Variants in ATRNL1 observed in about 807,000 individuals in gnomAD.
ATRNL1 encodes the protein attractin-like protein 1.
ATRNL1 carries 95 observed loss-of-function variants against 182.7 expected under a neutral mutation model. That is an observed-to-expected ratio of 0.52 (90% CI 0.44 to 0.62). ATRNL1 has a LOEUF of 0.62. Ranked by LOEUF, ATRNL1 falls within the 20% of genes least tolerant of loss-of-function variation. ATRNL1 has a pLI of 0.00. For synonymous variants in ATRNL1, 576 were observed against 568.3 expected, an observed-to-expected ratio of 1.01 and a Z score of -0.19; for missense variants, 1,471 against 1,679.5, an observed-to-expected ratio of 0.88 and a Z score of 2.17.
At chr10:115,584,238 T>G (rs1555009007) in intron 26 of ATRNL1, among the ~76,000 whole-genome samples, 1 of 140,034 alleles carries the variant, frequency 7.1e-6, no homozygotes, top group Non-Finnish European at 1.6e-5. Flanking sequence ...TCTGCCCGGC[T>G]TTGGTATCAG....
chr10:115,223,106 C>G (rs782263715), intron 9 of ATRNL1, among the ~76,000 whole-genome samples: 20 of 152,034 alleles, frequency 1.3e-4, no homozygotes, highest in Non-Finnish European at 2.8e-4. Context: ...ATGCTGAAAC[C>G]CCATCTCCAC....
At chr10:115,822,212 A>G (rs1363005775) in intron 27 of ATRNL1, among the ~76,000 whole-genome samples, 4 of 152,208 alleles carry the variant, frequency 2.6e-5, no homozygotes, top group East Asian at 3.9e-4. Context: ...GCAGAAATAA[A>G]TAAGTTCTTT....
At chr10:115,498,397 A>G (rs1474988868) in intron 24 of ATRNL1, among the ~76,000 whole-genome samples, 1 of 152,076 alleles carries the variant, frequency 6.6e-6, no homozygotes, top group African/African-American at 2.4e-5. Context: ...AAAAGCCATG[A>G]TCTCTCAACT....
At chr10:115,234,949 C>T (rs1368151085) in intron 9 of ATRNL1, among the ~76,000 whole-genome samples, 3 of 152,102 alleles carry the variant, frequency 2.0e-5, no homozygotes, top group Admixed American at 6.5e-5. Context: ...TTTTTATACT[C>T]TCCTTCTCAG....
At chr10:115,376,943 G>A (rs1554949703) in intron 19 of ATRNL1, among the ~76,000 whole-genome samples, 1 of 152,024 alleles carries the variant, frequency 6.6e-6, no homozygotes, top group African/African-American at 2.4e-5. Flanking sequence ...AATTTCAAAT[G>A]ATCTATCTCT....
At chr10:115,179,015 C>G (rs765492) in intron 8 of ATRNL1, among the ~76,000 whole-genome samples, 6,355 of 151,886 alleles carry the variant, frequency 0.042, 433 homozygotes, top group African/African-American at 0.14. Flanking sequence ...TAGTAAAGGG[C>G]CATATATTAA....
intron 17 of ATRNL1, among the ~76,000 whole-genome samples, chr10:115,308,526 A>G (rs1156409128): frequency 6.6e-6 from 1 of 152,156 alleles, no homozygotes; most frequent in Non-Finnish European, 1.5e-5. Context: ...CATTTTTAAA[A>G]TTTGATGACA....
intron 27 of ATRNL1, among the ~76,000 whole-genome samples, chr10:115,742,528 A>T (rs1555067936): frequency 6.6e-6 from 1 of 152,162 alleles, no homozygotes; most frequent in Non-Finnish European, 1.5e-5. Flanking sequence ...GATGTAGAAC[A>T]TTTGTTTCAA....
At position 115,093,651 on chromosome 10, in the gene ATRNL1, A is replaced by T. The variant is rs2084933346; in HGVS notation, c.-100A>T. 7.7e-7 allele frequency: 1 copy of T among 1,300,258 alleles called. No homozygotes were observed. The highest frequency in any genetic ancestry group is 1.1e-6 in the Non-Finnish European group (1 of 947,240). The allele number at this position is 1,300,258 out of a possible 1,614,324, so 80.5% of individuals were successfully genotyped here. A position where few individuals can be genotyped will look rare whatever the true frequency, so the allele number is the denominator to read the frequency against. ...GACGGGCGCCGGTGAGGAGGAGGAG[A>T]AGCGGCGGCGGAGAGGTTTTCTGCG... is the stretch of plus-strand genomic sequence containing the variant. On this transcript the variant is annotated 5_prime_UTR_variant, in exon 1 of 29. Coordinates refer to ENST00000355044, the MANE Select transcript of ATRNL1 (RefSeq NM_207303.4). The surrounding 1 kb of genome is among the most constrained non-coding windows in gnomAD (Gnocchi z 6.1).
At chr10:115,773,789 T>G (rs892718202) in intron 27 of ATRNL1, among the ~76,000 whole-genome samples, 2 of 152,186 alleles carry the variant, frequency 1.3e-5, no homozygotes, top group African/African-American at 4.8e-5. Context: ...TTTTGGCTTG[T>G]AAATGCTCAA....
At chr10:115,503,750 G>T (rs952707124) in intron 24 of ATRNL1, among the ~76,000 whole-genome samples, 1 of 151,612 alleles carries the variant, frequency 6.6e-6, no homozygotes, top group Non-Finnish European at 1.5e-5. Context: ...TTCATGACAT[G>T]CTTGGACTTT....
At chr10:115,823,307 C>T (rs1409636565) in intron 27 of ATRNL1, among the ~76,000 whole-genome samples, 1 of 152,000 alleles carries the variant, frequency 6.6e-6, no homozygotes, top group Non-Finnish European at 1.5e-5. Context: ...TATGACAGAC[C>T]CACAGCCAAT....
intron 10 of ATRNL1, among the ~76,000 whole-genome samples, chr10:115,254,747 T>C (rs1217481849): frequency 6.6e-6 from 1 of 152,232 alleles, no homozygotes; most frequent in Non-Finnish European, 1.5e-5. Context: ...TAGGTTCTCT[T>C]CTAGGGTTTT....
At chr10:115,760,516 G>A (rs1251498829) in intron 27 of ATRNL1, among the ~76,000 whole-genome samples, 2 of 152,014 alleles carry the variant, frequency 1.3e-5, no homozygotes, top group Non-Finnish European at 2.9e-5. Context: ...TGACTTAGTA[G>A]AGCACATTAT....
At chr10:115,431,416 A>G (rs1306929457) in intron 21 of ATRNL1, among the ~76,000 whole-genome samples, 2 of 151,702 alleles carry the variant, frequency 1.3e-5, no homozygotes, top group Non-Finnish European at 2.9e-5. Flanking sequence ...AAAAAAAAAA[A>G]AAAGAAAAGA....
At chr10:115,283,904 A>G (rs997533079) in intron 14 of ATRNL1, among the ~76,000 whole-genome samples, 11 of 152,186 alleles carry the variant, frequency 7.2e-5, no homozygotes, top group Middle Eastern at 3.2e-3. Context: ...TTGGAAATGT[A>G]ATGAAATATA....
intron 20 of ATRNL1, among the ~76,000 whole-genome samples, chr10:115,403,978 G>A (rs1039325865): frequency 6.6e-6 from 1 of 152,078 alleles, no homozygotes; most frequent in Non-Finnish European, 1.5e-5. Flanking sequence ...AGTTCAGAAC[G>A]CATGTTACTC....
chr10:115,783,968 G>T (rs781784233), intron 27 of ATRNL1, among the ~76,000 whole-genome samples: 3 of 152,160 alleles, frequency 2.0e-5, no homozygotes, highest in Non-Finnish European at 4.4e-5. Context: ...AGTGGAGATT[G>T]TGCCACTGCC....
At chr10:115,559,132 C>A (rs1419677486) in intron 26 of ATRNL1, among the ~76,000 whole-genome samples, 7 of 152,316 alleles carry the variant, frequency 4.6e-5, no homozygotes, top group African/African-American at 1.7e-4. Flanking sequence ...CTGCTCAACA[C>A]CCTGCTCATG....
Sources: gnomAD v4.1 joint callset for allele counts (sites outside exome capture counted in the v4.1 genomes callset) on GRCh38, gnomAD v4.1.1 for gene constraint, Gnocchi (gnomAD v3.1) non-coding constraint, MANE v1.5 for transcripts, NCBI Gene and HGNC (gene_info 2026-07-23, HGNC 2026-07-21) for gene names.